Variants in RP1 observed in about 807,000 individuals in gnomAD.
RP1 encodes the protein RP1 axonemal microtubule associated.
A neutral mutation model predicts 14.8 loss-of-function variants in RP1; 16 were observed. The ratio of observed to expected loss-of-function variants is 1.08; its 90% CI spans 0.73 to 1.65. RP1 has a LOEUF of 1.65. Among genes scored for constraint, RP1 ranks in the 40% most tolerant of loss-of-function variants. The pLI is 0.00. For synonymous variants in RP1, 876 were observed against 883.6 expected (o/e 0.99, Z 0.15); for missense variants, 2,631 against 2,535.0 (o/e 1.04, Z -0.81).
chr8:54,808,312 A>T (rs1349272469), intron 24 of RP1, among the ~76,000 whole-genome samples: 1 of 152,156 alleles, frequency 6.6e-6, no homozygotes, highest in African/African-American at 2.4e-5. Context: ...CTCTGCACGA[A>T]GGTGTCTTAA....
At chr8:54,621,748 C>T (rs1805886090) in intron 2 of RP1, among the ~76,000 whole-genome samples, 167 bp downstream of exon 2, 1 of 152,164 alleles carries the variant, frequency 6.6e-6, no homozygotes, top group Non-Finnish European at 1.5e-5. Flanking sequence ...TTGTCAGAAT[C>T]TGACTGGAAT....
chr8:54,839,978 G>T (rs1811751247), intron 25 of RP1, among the ~76,000 whole-genome samples: 2 of 152,142 alleles, frequency 1.3e-5, no homozygotes. Context: ...CTGCAGTCAT[G>T]TGAAGGTGGC....
At chr8:54,623,199 A>T (rs1429187885) in intron 3 of RP1, among the ~76,000 whole-genome samples, 1 of 152,136 alleles carries the variant, frequency 6.6e-6, no homozygotes, top group African/African-American at 2.4e-5. Context: ...ATATGTTATA[A>T]ATATGGTAGT....
At chr8:54,641,789 ATGT>A (rs1182137180) in intron 3 of RP1, among the ~76,000 whole-genome samples, 1 of 152,206 alleles carries the variant, frequency 6.6e-6, no homozygotes, top group Non-Finnish European at 1.5e-5. Flanking sequence ...TGCTTAACAC[ATGT>A]TGTCTGATTT....
At chr8:54,716,434 G>A (rs1808405667) in intron 15 of RP1, among the ~76,000 whole-genome samples, 1 of 151,936 alleles carries the variant, frequency 6.6e-6, no homozygotes, top group Admixed American at 6.6e-5. Flanking sequence ...ATGGAAAAAG[G>A]CCACGGGACA....
At chr8:54,707,669 A>C (rs1186481879) in intron 15 of RP1, among the ~76,000 whole-genome samples, 6 of 152,204 alleles carry the variant, frequency 3.9e-5, no homozygotes, top group Non-Finnish European at 7.3e-5. Flanking sequence ...ATAAGGAAGA[A>C]CTTGCATGAG....
intron 3 of RP1, among the ~76,000 whole-genome samples, chr8:54,638,016 G>A (rs1806383577): frequency 6.6e-6 from 1 of 152,098 alleles, no homozygotes; most frequent in African/African-American, 2.4e-5. Context: ...CAGGTCAGCT[G>A]TGCAGTTGTC....
In RP1 at chr8:54,780,420, G is replaced by A. The variant is rs557114123; in HGVS notation, c.3452-3127G>A. 3.3e-5 allele frequency among the ~76,000 whole-genome samples: 5 copies of A among 152,280 alleles called. No individual in the cohort carries two copies. The East Asian group carries it at 9.6e-4, about 29-fold the overall frequency. ...CTCACTTCTTCCCTTAGAGTCTCTC[G>A]AATGTTAAACACAATGTGCATAATG... On this transcript the variant is annotated intron_variant, in intron 23 of 28. Transcript: ENST00000637698.
At chr8:54,851,618 G>A (rs982028522) in intron 25 of RP1, among the ~76,000 whole-genome samples, 1 of 152,182 alleles carries the variant, frequency 6.6e-6, no homozygotes, top group African/African-American at 2.4e-5. Context: ...CATGAGAAGT[G>A]TTCTAATTTT....
intron 3 of RP1, among the ~76,000 whole-genome samples, chr8:54,622,817 A>C (rs529716420): frequency 1.3e-5 from 2 of 152,224 alleles, no homozygotes; most frequent in Non-Finnish European, 2.9e-5. Context: ...GTTAATGGTA[A>C]TGTAGGTTGA....
intron 1 of RP1, among the ~76,000 whole-genome samples, chr8:54,607,206 A>C (rs997139728): frequency 4.6e-5 from 7 of 152,156 alleles, no homozygotes; most frequent in Non-Finnish European, 8.8e-5. Flanking sequence ...TAATGGTGAC[A>C]AACAGATGGG....
intron 3 of RP1, among the ~76,000 whole-genome samples, chr8:54,623,856 A>G (rs573202281): frequency 6.6e-6 from 1 of 152,312 alleles, no homozygotes; most frequent in Middle Eastern, 3.4e-3. Context: ...GATGAATACC[A>G]TCATAAATTG....
rs147643732 is a variant in RP1, at chr8:54,608,298, C to T, written c.-12-12657C>T. Among the ~76,000 whole-genome samples the T allele has an allele frequency of 6.7e-3, 1,015 of 151,166 alleles. 10 individuals are homozygous for T. Among genetic ancestry groups the T allele is most frequent in the Admixed American group, 5.8e-3 (88 of 15,116 alleles). ...CTGCCTCCTGAGTTCAAGTGTGAATCATCCACTTTAAATGGGTTAATTTTA... is the reference window on the plus strand; with the variant it reads ...CTGCCTCCTGAGTTCAAGTGTGAATTATCCACTTTAAATGGGTTAATTTTA... On this transcript the variant is annotated intron_variant, in intron 1 of 22. Transcript: ENST00000636932.
At chr8:54,738,932 A>G (rs1226226134) in intron 18 of RP1, 3 of 1,445,372 alleles carry the variant, frequency 2.1e-6, no homozygotes, top group Non-Finnish European at 1.8e-6. Context: ...TCTCCTTTGC[A>G]TTTCATTCAG....
chr8:54,594,908 A>G lies in RP1; in HGVS notation c.-12-26047A>G, dbSNP rs571242658. ...AAGGGAGAATTTGTGATGATAGCAT[A>G]TAGTGGGAAGGATGGGAATAAAACT... On this transcript the variant is annotated intron_variant, in intron 1 of 22. Coordinates refer to the RP1 transcript ENST00000636932. 2.0e-5 allele frequency among the ~76,000 whole-genome samples: 3 copies of G among 152,304 alleles called. No individual in the cohort carries two copies. In the South Asian group the frequency reaches 6.2e-4, roughly 32 times the overall value.
chr8:54,606,356 T>A (rs1390157156), intron 1 of RP1, among the ~76,000 whole-genome samples: 2 of 151,972 alleles, frequency 1.3e-5, no homozygotes, highest in East Asian at 1.9e-4. Flanking sequence ...TCTTTAAGAA[T>A]GTTGAATATT....
At chr8:54,848,793 G>A (rs535192745) in intron 25 of RP1, among the ~76,000 whole-genome samples, 4 of 152,182 alleles carry the variant, frequency 2.6e-5, no homozygotes, top group African/African-American at 9.6e-5. Flanking sequence ...CTGTTGCCCA[G>A]GCTAGAGTGC....
intron 28 of RP1, among the ~76,000 whole-genome samples, chr8:54,867,737 A>G (rs1214103647): frequency 1.3e-5 from 2 of 152,228 alleles, no homozygotes; most frequent in Non-Finnish European, 2.9e-5. Context: ...TGTGTCTAGT[A>G]TTTAGAACTC....
chr8:54,621,010 C>T lies in RP1; in HGVS notation c.44C>T (p.Thr15Met), dbSNP rs758050819. The T allele has an allele frequency of 1.2e-5, 20 of 1,614,122 alleles. No individual in the cohort carries two copies. The highest frequency in any genetic ancestry group is 1.4e-5 in the Non-Finnish European group (17 of 1,180,006). The change falls in exon 2 of 4, where the codon ACG becomes ATG. Residue 15 changes from threonine to methionine, a missense_variant. Thr to Met is a moderately conservative substitution (Grantham distance 81). Transcript: ENST00000220676. ...ACTGGTTTTTCCATCATTCATCCTA[C>T]GTCTTCTGAAGGTCAAGTTCCACCC... is the stretch of plus-strand genomic sequence containing the variant. ...PSTGFSIIHPTSSEGQVPPPR... is the reference protein window; with the variant it reads ...PSTGFSIIHPMSSEGQVPPPR...
Sources: gnomAD v4.1 joint callset for allele counts (sites outside exome capture counted in the v4.1 genomes callset) on GRCh38, gnomAD v4.1.1 for gene constraint, MANE v1.5 for transcripts, NCBI Gene and HGNC (gene_info 2026-07-23, HGNC 2026-07-21) for gene names.